SVOPL: variants seen among roughly 807,000 people sequenced by gnomAD.
The protein encoded by SVOPL is SVOP like.
In SVOPL, 60 loss-of-function variants were observed where a neutral mutation model predicts 61.0. The observed-to-expected ratio is 0.98, with a 90% CI of 0.80 to 1.22. The LOEUF (loss-of-function observed/expected upper bound fraction) is 1.22. SVOPL is among the 50% of genes most tolerant of loss of function. SVOPL has a pLI of 0.00. For synonymous variants in SVOPL, 279 were observed against 250.0 expected, an observed-to-expected ratio of 1.12 and a Z score of -1.09; for missense variants, 662 against 643.9, an observed-to-expected ratio of 1.03 and a Z score of -0.30.
At position 138,663,139 on chromosome 7, in the gene SVOPL, A is replaced by G. The variant is rs539922291; in HGVS notation, c.280T>C (p.Phe94Leu). The change falls in exon 5 of 16, where the codon TTT (phenylalanine) becomes CTT (leucine). Residue 94 changes from phenylalanine to leucine, a missense_variant. By Grantham distance (22) the Phe-to-Leu change is conservative. Coordinates refer to ENST00000674285, the MANE Select transcript of SVOPL (RefSeq NM_001139456.2). ...ATACTGAAAACCATGTAGCCAAAAA[A>G]CACCATCTGCAAGTGGGAGCGAGAT... ...WQVALVTTMV[F>L]FGYMVFSILF... 9.3e-6 allele frequency: 15 copies of G among 1,613,896 alleles called. No homozygotes were observed. In the African/African-American group the frequency reaches 1.1e-4, roughly 11 times the overall value.
At chr7:138,666,612 C>G (rs944535716) in intron 4 of SVOPL, among the ~76,000 whole-genome samples, 17 of 152,206 alleles carry the variant, frequency 1.1e-4, no homozygotes, top group African/African-American at 4.1e-4. Flanking sequence ...AGAGGACCAG[C>G]CTTACAGACA....
In SVOPL at chr7:138,615,744, G is replaced by A. The variant is rs62485298; in HGVS notation, c.1353+5302C>T. 1.5e-4 allele frequency among the ~76,000 whole-genome samples: 5 copies of A among 33,988 alleles called. 1 individual carries two copies. The highest frequency in any genetic ancestry group is 2.0e-4 in the Non-Finnish European group (2 of 10,248). 22.3% of individuals were successfully genotyped at this position (33,988 alleles called of 152,430 possible). On this transcript the variant is annotated intron_variant, in intron 14 of 15. Transcript: ENST00000674285. ...TGGGAGGCGGAGGTTGCAGTGAGCCGACATCACACCACTGCACTCCAGCCT... is the reference window on the plus strand; with the variant it reads ...TGGGAGGCGGAGGTTGCAGTGAGCCAACATCACACCACTGCACTCCAGCCT...
intron 1 of SVOPL, among the ~76,000 whole-genome samples, chr7:138,691,021 C>T (rs550800488): frequency 9.1e-4 from 138 of 152,274 alleles, no homozygotes; most frequent in African/African-American, 3.1e-3. Context: ...AAGATCCACC[C>T]GCCTTGGCCT....
At chr7:138,671,951 G>T in intron 4 of SVOPL, 68 bp downstream of exon 4, 1 of 1,434,016 alleles carries the variant, frequency 7.0e-7, no homozygotes, top group Non-Finnish European at 9.6e-7. Flanking sequence ...TCTCAGCCCT[G>T]CAGGATGGAG....
At chr7:138,657,044 CA>C (rs11432091) in intron 6 of SVOPL, among the ~76,000 whole-genome samples, 162 of 139,102 alleles carry the variant, frequency 1.2e-3, no homozygotes, top group African/African-American at 2.6e-3. Context: ...GTTGAAAAGA[CA>C]AAAAAAAAAA....
intron 7 of SVOPL, among the ~76,000 whole-genome samples, chr7:138,652,634 A>G (rs553172282): frequency 2.4e-4 from 36 of 151,794 alleles, no homozygotes; most frequent in African/African-American, 8.2e-4. Context: ...TTTTCTTTTG[A>G]GATGGCATTC....
chr7:138,677,331 T>C (rs748680014), intron 3 of SVOPL, among the ~76,000 whole-genome samples: 5 of 152,052 alleles, frequency 3.3e-5, no homozygotes, highest in Non-Finnish European at 5.9e-5. Flanking sequence ...AGGCCTAAGC[T>C]CTGATTGTTT....
At chr7:138,666,208 G>A (rs1434114474) in intron 4 of SVOPL, among the ~76,000 whole-genome samples, 3 of 152,094 alleles carry the variant, frequency 2.0e-5, no homozygotes, top group Admixed American at 1.3e-4. Context: ...CCTATGGCCC[G>A]GCCACGGTTC....
intron 14 of SVOPL, among the ~76,000 whole-genome samples, chr7:138,610,150 C>T (rs556001956): frequency 2.6e-5 from 4 of 152,184 alleles, no homozygotes; most frequent in East Asian, 1.9e-4. Flanking sequence ...CAGCTTAATG[C>T]CTATTTTTTA....
At chr7:138,692,750 T>TA (rs889705384) in intron 1 of SVOPL, among the ~76,000 whole-genome samples, 9 of 151,916 alleles carry the variant, frequency 5.9e-5, no homozygotes, top group African/African-American at 2.2e-4. Flanking sequence ...TACATGGCCA[T>TA]AAAAAAAGGG....
rs75308700 is a variant in SVOPL at position 138,614,368 on chromosome 7, C to T, written c.1353+6678G>A. On this transcript the variant is annotated intron_variant, in intron 14 of 15. Coordinates refer to ENST00000674285, the MANE Select transcript of SVOPL (RefSeq NM_001139456.2). The stretch of plus-strand genomic sequence containing the variant: ...ATCAGAGTTTGTACAAGGCTAGTTC[C>T]GCTGAATTTTGGCAGCATTTCAACT... Among the ~76,000 whole-genome samples the T allele has an allele frequency of 1.9e-3, 290 of 151,008 alleles. 2 individuals are homozygous for T. The highest frequency in any genetic ancestry group is 6.6e-3 in the African/African-American group (272 of 41,066).
At chr7:138,666,420 C>A (rs1372892319) in intron 4 of SVOPL, among the ~76,000 whole-genome samples, 1 of 152,190 alleles carries the variant, frequency 6.6e-6, no homozygotes, top group African/African-American at 2.4e-5. Flanking sequence ...TTTCTAAAAG[C>A]ATATGATCTG....
intron 14 of SVOPL, among the ~76,000 whole-genome samples, chr7:138,609,031 A>C (rs1024850002): frequency 2.0e-5 from 3 of 152,224 alleles, no homozygotes; most frequent in Non-Finnish European, 4.4e-5. Flanking sequence ...GAATTGAAAA[A>C]TGGGCAAGTA....
intron 1 of SVOPL, among the ~76,000 whole-genome samples, chr7:138,680,119 C>T (rs1802666868): frequency 6.6e-6 from 1 of 151,780 alleles, no homozygotes; most frequent in African/African-American, 2.4e-5. Context: ...CAGCACTTCA[C>T]ACTTCTGCAG....
At chr7:138,629,853 CCT>C (rs1233078763) in intron 10 of SVOPL, among the ~76,000 whole-genome samples, 194 bp downstream of exon 10, 3 of 152,132 alleles carry the variant, frequency 2.0e-5, no homozygotes, top group Non-Finnish European at 4.4e-5. Flanking sequence ...AGGGAATTTT[CCT>C]CTGTCTATGT....
intron 14 of SVOPL, among the ~76,000 whole-genome samples, chr7:138,599,922 A>G (rs1285188036): frequency 1.3e-5 from 2 of 152,018 alleles, no homozygotes; most frequent in Non-Finnish European, 1.5e-5. Flanking sequence ...AAATCAATTT[A>G]AAGTTACATG....
At chr7:138,680,545 A>G (rs1802677570) in intron 1 of SVOPL, among the ~76,000 whole-genome samples, 1 of 151,554 alleles carries the variant, frequency 6.6e-6, no homozygotes, top group Non-Finnish European at 1.5e-5. Flanking sequence ...ATGGGTACCA[A>G]GTCAGTGGCT....
intron 9 of SVOPL, among the ~76,000 whole-genome samples, chr7:138,642,374 T>C (rs1310294530): frequency 2.7e-5 from 4 of 149,892 alleles, no homozygotes; most frequent in African/African-American, 9.8e-5. Context: ...ATACACAAAC[T>C]TCTAGTAAGC....
At chr7:138,684,103 G>A (rs141870342) in intron 1 of SVOPL, among the ~76,000 whole-genome samples, 7,323 of 151,558 alleles carry the variant, frequency 0.048, 461 homozygotes, top group East Asian at 0.19. Context: ...AGCGGCTCAC[G>A]TCTATAATCC....
Sources: gnomAD v4.1 joint callset for allele counts (sites outside exome capture counted in the v4.1 genomes callset) on GRCh38, gnomAD v4.1.1 for gene constraint, MANE v1.5 for transcripts, NCBI Gene and HGNC (gene_info 2026-07-23, HGNC 2026-07-21) for gene names.